DENND1A: variants seen among roughly 807,000 people sequenced by gnomAD.
The protein encoded by DENND1A is DENN domain containing 1A.
A neutral mutation model predicts 113.7 loss-of-function variants in DENND1A; 51 were observed. The ratio of observed to expected loss-of-function variants is 0.45; its 90% confidence interval spans 0.36 to 0.57. The LOEUF (loss-of-function observed/expected upper bound fraction) is 0.57, where lower values mean the gene tolerates loss of function less well. DENND1A is among the 20% of genes least tolerant of loss of function. The probability of loss-of-function intolerance (pLI) is 0.00; values close to 1 mark genes in which losing one functional copy is unlikely to be tolerated. For missense variants in DENND1A, 1,258 were observed against 1,395.9 expected (o/e 0.90, Z 1.57); for synonymous variants, 565 against 570.8 (o/e 0.99, Z 0.14).
chr9:123,645,225 T>C lies in DENND1A; in HGVS notation c.618+6788A>G, dbSNP rs186206876. On this transcript the variant is annotated intron_variant, in intron 9 of 23. Coordinates refer to ENST00000394215, the MANE Select transcript of DENND1A (RefSeq NM_001352964.2). The stretch of plus-strand genomic sequence containing the variant: ...TTGTCTCTATTGACACAGCCATTTT[T>C]ATAGAAGACAGCACTCGAGTGCTAG... 6.9e-4 allele frequency among the ~76,000 whole-genome samples: 105 copies of C among 152,334 alleles called. 3 individuals carry two copies. Among genetic ancestry groups the C allele is most frequent in the Admixed American group, 6.7e-3 (102 of 15,306 alleles).
chr9:123,901,919 T>C (rs753347279), intron 1 of DENND1A, among the ~76,000 whole-genome samples: 1 of 151,996 alleles, frequency 6.6e-6, no homozygotes, highest in Non-Finnish European at 1.5e-5. Context: ...GGCAGGAGAA[T>C]GGTGTGAACC....
chr9:123,686,002 A>G (rs1407081686), intron 5 of DENND1A, among the ~76,000 whole-genome samples: 1 of 152,014 alleles, frequency 6.6e-6, no homozygotes, highest in Non-Finnish European at 1.5e-5. Context: ...TACTAGAAAA[A>G]AAAAAAACAC....
intron 10 of DENND1A, among the ~76,000 whole-genome samples, chr9:123,629,130 T>C (rs1349631385): frequency 6.6e-6 from 1 of 152,158 alleles, no homozygotes; most frequent in Non-Finnish European, 1.5e-5. Context: ...AGTGAGATGA[T>C]TGCAAAATGG....
chr9:123,509,767 G>A (rs1291097683), intron 13 of DENND1A, among the ~76,000 whole-genome samples: 1 of 152,166 alleles, frequency 6.6e-6, no homozygotes, highest in African/African-American at 2.4e-5. Context: ...GGACCCACAT[G>A]TTTCTCAAAC....
intron 13 of DENND1A, among the ~76,000 whole-genome samples, chr9:123,472,478 A>G (rs1022529887): frequency 6.6e-6 from 1 of 152,078 alleles, no homozygotes; most frequent in Admixed American, 6.5e-5. Context: ...AGAGCCAGAG[A>G]TCTGAGATGT....
chr9:123,674,338 T>TCA (rs2063921459), intron 6 of DENND1A, among the ~76,000 whole-genome samples: 1 of 126,112 alleles, frequency 7.9e-6, no homozygotes, highest in Non-Finnish European at 1.6e-5. Context: ...TCTCTGTCTC[T>TCA]CTCTCACACA....
At chr9:123,394,060 C>T (rs563730970) in intron 21 of DENND1A, among the ~76,000 whole-genome samples, 231 of 151,686 alleles carry the variant, frequency 1.5e-3, no homozygotes, top group Middle Eastern at 3.4e-3. Flanking sequence ...GGCACAATCT[C>T]GGCTCACTGC....
intron 13 of DENND1A, among the ~76,000 whole-genome samples, chr9:123,510,623 T>C (rs550233129): frequency 6.6e-6 from 1 of 152,290 alleles, no homozygotes; most frequent in African/African-American, 2.4e-5. Context: ...CCAGGCCTTT[T>C]AGACTCCATA....
chr9:123,531,362 T>C (rs1330133380), intron 13 of DENND1A, among the ~76,000 whole-genome samples: 1 of 152,186 alleles, frequency 6.6e-6, no homozygotes, highest in African/African-American at 2.4e-5. Context: ...CATTTGGACT[T>C]CATTTTTAAA....
intron 13 of DENND1A, among the ~76,000 whole-genome samples, chr9:123,536,250 A>C (rs1191036555): frequency 1.3e-5 from 2 of 152,156 alleles, no homozygotes; most frequent in Non-Finnish European, 2.9e-5. Flanking sequence ...CAGGTGGCTC[A>C]CTTGAGGTCA....
intron 12 of DENND1A, among the ~76,000 whole-genome samples, chr9:123,568,942 G>T (rs1310659294): frequency 1.3e-5 from 2 of 152,184 alleles, no homozygotes; most frequent in Non-Finnish European, 2.9e-5. Flanking sequence ...TTCAATTCTT[G>T]CAAAGAAAAG....
At chr9:123,726,301 T>C (rs2067702565) in intron 5 of DENND1A, among the ~76,000 whole-genome samples, 1 of 152,228 alleles carries the variant, frequency 6.6e-6, no homozygotes, top group African/African-American at 2.4e-5. Context: ...GGCATTAGCA[T>C]CATTATTCCC....
At chr9:123,768,504 G>A (rs1829195497) in intron 4 of DENND1A, among the ~76,000 whole-genome samples, 1 of 152,106 alleles carries the variant, frequency 6.6e-6, no homozygotes, top group South Asian at 2.1e-4. Context: ...GAATCTTCCT[G>A]AAGATAAGCA....
intron 9 of DENND1A, among the ~76,000 whole-genome samples, chr9:123,637,806 G>C (rs182987499): frequency 6.6e-6 from 1 of 152,172 alleles, no homozygotes; most frequent in Admixed American, 6.5e-5. Context: ...TGCTTTTCAG[G>C]GGGTAATGGC....
At chr9:123,628,887 TAA>T (rs964989856) in intron 10 of DENND1A, among the ~76,000 whole-genome samples, 1 of 152,144 alleles carries the variant, frequency 6.6e-6, no homozygotes, top group Non-Finnish European at 1.5e-5. Context: ...AAGGCACAAA[TAA>T]GATAACTCAC....
intron 11 of DENND1A, among the ~76,000 whole-genome samples, chr9:123,596,758 A>G (rs968410969): frequency 6.6e-6 from 1 of 152,204 alleles, no homozygotes; most frequent in African/African-American, 2.4e-5. Flanking sequence ...GGGCCAGTAT[A>G]ATAGTTTTCT....
chr9:123,816,279 G>A (rs567871233), intron 2 of DENND1A, among the ~76,000 whole-genome samples: 1 of 152,210 alleles, frequency 6.6e-6, no homozygotes, highest in Admixed American at 6.5e-5. Flanking sequence ...TGGGGTTATA[G>A]GTATGAGCCA....
chr9:123,910,325 A>G (rs2134011856), intron 1 of DENND1A, among the ~76,000 whole-genome samples: 1 of 152,348 alleles, frequency 6.6e-6, no homozygotes. Context: ...ACAAACGTAT[A>G]CCTGATTTAC....
chr9:123,541,338 T>C (rs4838065), intron 13 of DENND1A, among the ~76,000 whole-genome samples: 26,835 of 152,158 alleles, frequency 0.18, 2,523 homozygotes, highest in African/African-American at 0.22. Flanking sequence ...AGGTTTTTCC[T>C]ACCCCTACTT....
Sources: allele counts gnomAD v4.1 joint callset (sites outside exome capture counted in the v4.1 genomes callset), GRCh38; gene constraint gnomAD v4.1.1; transcripts MANE v1.5; gene names NCBI Gene and HGNC (gene_info 2026-07-23, HGNC 2026-07-21).